Variants in EXOC4 observed in about 807,000 individuals in gnomAD.
EXOC4 encodes the protein exocyst complex component 4.
Under a neutral mutation model 107.2 loss-of-function variants are expected in EXOC4, and 71 were observed. That is an observed-to-expected ratio of 0.66 (90% CI 0.55 to 0.81). The LOEUF (loss-of-function observed/expected upper bound fraction) is 0.81, where lower values mean the gene tolerates loss of function less well. Ranked by LOEUF, EXOC4 falls within the 30% of genes least tolerant of loss-of-function variation. The pLI is 0.00. For missense variants in EXOC4, 1,108 were observed against 1,189.6 expected (o/e 0.93, Z 1.01); for synonymous variants, 456 against 441.2 (o/e 1.03, Z -0.42).
chr7:133,626,946 G>A (rs1395409372), intron 9 of EXOC4, among the ~76,000 whole-genome samples: 1 of 152,124 alleles, frequency 6.6e-6, no homozygotes, highest in Non-Finnish European at 1.5e-5. Context: ...GGTTTTGACA[G>A]TTTACATTTA....
At chr7:133,458,094 T>C (rs548735688) in intron 7 of EXOC4, among the ~76,000 whole-genome samples, 4 of 152,224 alleles carry the variant, frequency 2.6e-5, no homozygotes, top group Non-Finnish European at 5.9e-5. Flanking sequence ...TGGCTAGATA[T>C]CACACTACAA....
chr7:133,713,368 TA>T (rs201556759), intron 10 of EXOC4, among the ~76,000 whole-genome samples: 4 of 152,324 alleles, frequency 2.6e-5, no homozygotes, highest in African/African-American at 7.2e-5. Context: ...ACTTACCAAT[TA>T]TTTTTTTTTC....
chr7:134,037,995 C>T (rs184624409), intron 17 of EXOC4, among the ~76,000 whole-genome samples: 117 of 152,246 alleles, frequency 7.7e-4, no homozygotes, highest in Admixed American at 3.2e-3. Flanking sequence ...AAGGTGCAAA[C>T]ATAGATAACT....
At chr7:133,462,028 T>C (rs897698573) in intron 7 of EXOC4, among the ~76,000 whole-genome samples, 3 of 152,220 alleles carry the variant, frequency 2.0e-5, no homozygotes, top group Non-Finnish European at 4.4e-5. Context: ...ACAATATGCT[T>C]ATTCATGTTT....
At chr7:133,453,656 T>G (rs566660187) in intron 7 of EXOC4, among the ~76,000 whole-genome samples, 11 of 152,268 alleles carry the variant, frequency 7.2e-5, no homozygotes, top group South Asian at 2.1e-4. Context: ...CATATAACTT[T>G]ATGTAAGTTT....
At chr7:133,424,180 C>T (rs1028761017) in intron 7 of EXOC4, among the ~76,000 whole-genome samples, 5 of 152,174 alleles carry the variant, frequency 3.3e-5, no homozygotes, top group African/African-American at 7.2e-5. Flanking sequence ...TCACCTTCCA[C>T]GCTCTGGTAG....
chr7:133,518,203 C>T (rs556188718), intron 9 of EXOC4, among the ~76,000 whole-genome samples: 5 of 151,930 alleles, frequency 3.3e-5, no homozygotes, highest in African/African-American at 9.7e-5. Context: ...GTGGAGAAAT[C>T]GGCCGTATTT....
intron 10 of EXOC4, among the ~76,000 whole-genome samples, chr7:133,700,535 A>AGG (rs1223497301): frequency 6.6e-6 from 1 of 152,180 alleles, no homozygotes; most frequent in Non-Finnish European, 1.5e-5. Flanking sequence ...TTCATTAGCA[A>AGG]GGGGGCTATC....
intron 7 of EXOC4, among the ~76,000 whole-genome samples, chr7:133,410,876 A>G (rs960322550): frequency 6.6e-6 from 1 of 152,194 alleles, no homozygotes; most frequent in Non-Finnish European, 1.5e-5. Context: ...TCATTGATGT[A>G]TCACCTTATT....
chr7:133,886,805 T>C, intron 11 of EXOC4, among the ~76,000 whole-genome samples: 1 of 152,316 alleles, frequency 6.6e-6, no homozygotes, highest in East Asian at 1.9e-4. Context: ...ATTGACCTTG[T>C]TAGAAATTTG....
chr7:133,854,033 A>T (rs942818643), intron 11 of EXOC4, among the ~76,000 whole-genome samples: 12 of 152,128 alleles, frequency 7.9e-5, no homozygotes, highest in Non-Finnish European at 1.5e-5. Context: ...CTCCAAGTGG[A>T]TGTGGTGCCC....
chr7:133,989,937 T>G (rs1251435073), intron 14 of EXOC4, among the ~76,000 whole-genome samples: 1 of 152,166 alleles, frequency 6.6e-6, no homozygotes, highest in Non-Finnish European at 1.5e-5. Flanking sequence ...ACCGCAAGCT[T>G]CTTTTGAAAT....
chr7:133,873,279 A>G (rs1455323958), intron 11 of EXOC4, among the ~76,000 whole-genome samples: 1 of 152,250 alleles, frequency 6.6e-6, no homozygotes, highest in Non-Finnish European at 1.5e-5. Flanking sequence ...CCTCACCCCA[A>G]GTTGAAAACA....
At chr7:133,333,671 C>T (rs1478077137) in intron 5 of EXOC4, among the ~76,000 whole-genome samples, 1 of 152,112 alleles carries the variant, frequency 6.6e-6, no homozygotes, top group Non-Finnish European at 1.5e-5. Context: ...AGATCTGTAT[C>T]TATTTATTTC....
chr7:133,783,504 A>T (rs1210960834), intron 10 of EXOC4, among the ~76,000 whole-genome samples: 2 of 152,216 alleles, frequency 1.3e-5, no homozygotes, highest in Non-Finnish European at 2.9e-5. Context: ...ATTTAATATG[A>T]TTCCTAGTGG....
At chr7:133,429,609 T>C (rs1333709556) in intron 7 of EXOC4, among the ~76,000 whole-genome samples, 1 of 152,190 alleles carries the variant, frequency 6.6e-6, no homozygotes, top group Non-Finnish European at 1.5e-5. Flanking sequence ...GTCACTCCCA[T>C]TCCTGCTTCT....
intron 4 of EXOC4, among the ~76,000 whole-genome samples, chr7:133,306,998 C>T (rs191448211): frequency 1.2e-4 from 18 of 152,234 alleles, no homozygotes; most frequent in African/African-American, 4.3e-4. Context: ...AGTACATGTC[C>T]TTCCAATATT....
chr7:134,051,836 A>C (rs1228121712), intron 17 of EXOC4, among the ~76,000 whole-genome samples: 1 of 151,868 alleles, frequency 6.6e-6, no homozygotes, highest in Non-Finnish European at 1.5e-5. Flanking sequence ...ATACAAAAAA[A>C]TTAGCTGGGC....
intron 7 of EXOC4, among the ~76,000 whole-genome samples, chr7:133,449,630 A>G (rs894767611): frequency 6.6e-6 from 1 of 151,992 alleles, no homozygotes; most frequent in African/African-American, 2.4e-5. Flanking sequence ...CTGTATCTAG[A>G]TAAGTGTTAT....
Sources: allele counts gnomAD v4.1 joint callset (sites outside exome capture counted in the v4.1 genomes callset), GRCh38; gene constraint gnomAD v4.1.1; transcripts MANE v1.5; gene names NCBI Gene and HGNC (gene_info 2026-07-23, HGNC 2026-07-21).